IMPA2: variants seen among roughly 807,000 people sequenced by gnomAD.
IMPA2 encodes the protein inositol monophosphatase 2, also known as IMP 2.
A neutral mutation model predicts 35.1 loss-of-function variants in IMPA2; 32 were observed. The ratio of observed to expected loss-of-function variants is 0.91; its 90% CI spans 0.69 to 1.23. The LOEUF is 1.23. IMPA2 is among the 50% of genes most tolerant of loss of function. The probability of loss-of-function intolerance (pLI) is 0.00; values close to 1 mark genes in which losing one functional copy is unlikely to be tolerated. For missense variants in IMPA2, 334 were observed against 387.6 expected (o/e 0.86, Z 1.16); for synonymous variants, 135 against 160.6 (o/e 0.84, Z 1.20).
intron 5 of IMPA2, among the ~76,000 whole-genome samples, chr18:12,027,101 G>T (rs767972628): frequency 6.6e-6 from 1 of 152,210 alleles, no homozygotes; most frequent in Admixed American, 6.5e-5. Context: ...TGTTTCCCCC[G>T]ACTTTGGGAG....
At chr18:12,030,171 C>G (rs530346286) in intron 7 of IMPA2, among the ~76,000 whole-genome samples, 172 bp from the exon 8 acceptor site, 25 of 152,382 alleles carry the variant, frequency 1.6e-4, no homozygotes, top group African/African-American at 5.0e-4. Context: ...CTCCATCCCT[C>G]TATTCTTTGC....
Position 12,030,765 on chromosome 18 carries a change from T to C in IMPA2, c.*307T>C. On this transcript the variant is annotated 3_prime_UTR_variant, in exon 8 of 8. Transcript: ENST00000269159. ...GTATTGATAATCCAATCTTGATTTTTCCCCCCAGAATATAAATCTCAGGTA... is the reference window on the plus strand; with the variant it reads ...GTATTGATAATCCAATCTTGATTTTCCCCCCCAGAATATAAATCTCAGGTA... The C allele has an allele frequency of 3.1e-6, 1 of 320,922 alleles. No homozygotes were observed. The highest frequency in any genetic ancestry group is 4.2e-5 in the South Asian group (1 of 23,806). 19.9% of individuals were successfully genotyped at this position (320,922 alleles called of 1,614,324 possible). A position where few individuals can be genotyped will look rare whatever the true frequency, so the allele number is the denominator to read the frequency against.
chr18:12,008,337 C>G (rs1907335382), intron 2 of IMPA2: 1 of 518,834 alleles, frequency 1.9e-6, no homozygotes, highest in African/African-American at 1.9e-5. Context: ...CTGCAGGTCT[C>G]CTTTTTCTCT....
chr18:12,019,115 C>T (rs1031962614), intron 5 of IMPA2, among the ~76,000 whole-genome samples: 1 of 152,030 alleles, frequency 6.6e-6, no homozygotes, highest in Non-Finnish European at 1.5e-5. Context: ...TGTGAGCCAC[C>T]AACCCAGCCT....
chr18:12,004,882 C>G (rs2143796963), intron 2 of IMPA2, among the ~76,000 whole-genome samples: 1 of 152,292 alleles, frequency 6.6e-6, no homozygotes, highest in African/African-American at 2.4e-5. Context: ...TTTATGATTT[C>G]ACACATCTGT....
intron 5 of IMPA2, among the ~76,000 whole-genome samples, chr18:12,019,420 A>AT (rs1023606644): frequency 0.032 from 4,314 of 133,076 alleles, 192 homozygotes; most frequent in African/African-American, 0.098. Flanking sequence ...TGTCCGGCTA[A>AT]TTTTTTTTTT....
chr18:12,023,127 G>A lies in IMPA2; in HGVS notation c.491-4916G>A, dbSNP rs531859149. ...TGTTCTTGATTTCATGTGGGAAAAC[G>A]TATGTTGGCAAGAATGAGAAGGAAT... On this transcript the variant is annotated intron_variant, in intron 5 of 7. Coordinates refer to ENST00000269159, the MANE Select transcript of IMPA2 (RefSeq NM_014214.3). 5.9e-5 allele frequency among the ~76,000 whole-genome samples: 9 copies of A among 152,012 alleles called. No homozygotes were observed. The South Asian group carries it at 8.3e-4, about 14-fold the overall frequency.
intron 1 of IMPA2, among the ~76,000 whole-genome samples, chr18:11,982,515 C>G (rs1906533529): frequency 6.6e-6 from 1 of 152,130 alleles, no homozygotes; most frequent in Admixed American, 6.5e-5. Context: ...TGATTGTGGG[C>G]CGGGCGCAGT....
At position 12,022,528 on chromosome 18, in the gene IMPA2, A is replaced by AAATATATATATATATATATATATAT. The variant is rs68185380; in HGVS notation, c.491-5514_491-5513insATATATATATATATATATATATATA. On this transcript the variant is annotated intron_variant, in intron 5 of 7. Coordinates refer to ENST00000269159, the MANE Select transcript of IMPA2 (RefSeq NM_014214.3). ...CAGAATGGGGCTCCATCTCAAAAAG[A>AAATATATATATATATATATATATAT]ATATATATATATATATATATATATA... Among the ~76,000 whole-genome samples, 688 of 96,680 alleles carry AAATATATATATATATATATATATAT rather than the reference A, an allele frequency of 7.1e-3. 64 individuals are homozygous for AAATATATATATATATATATATATAT. Among genetic ancestry groups the AAATATATATATATATATATATATAT allele is most frequent in the South Asian group, 9.2e-3 (30 of 3,276 alleles). 63.4% of individuals were successfully genotyped at this position (96,680 alleles called of 152,430 possible). A position where few individuals can be genotyped will look rare whatever the true frequency, so the allele number is the denominator to read the frequency against.
intron 6 of IMPA2, 198 bp downstream of exon 6, chr18:12,028,349 C>T (rs1266612405): frequency 3.5e-6 from 2 of 564,116 alleles, no homozygotes; most frequent in Non-Finnish European, 6.3e-6. Context: ...TCTGGAGATG[C>T]GTGGGCACCT....
chr18:12,028,659 G>A, intron 6 of IMPA2, 183 bp from the exon 7 acceptor site: 1 of 678,056 alleles, frequency 1.5e-6, no homozygotes, highest in Non-Finnish European at 2.5e-6. Flanking sequence ...TTTGCGTCTG[G>A]CGGAGGCCTG....
chr18:11,992,047 T>C (rs900322241), intron 1 of IMPA2, among the ~76,000 whole-genome samples: 1 of 152,234 alleles, frequency 6.6e-6, no homozygotes, highest in Non-Finnish European at 1.5e-5. Flanking sequence ...TTTCCCCATG[T>C]TGGCCAGGCT....
chr18:11,990,518 G>A (rs1485892822), intron 1 of IMPA2, among the ~76,000 whole-genome samples: 1 of 152,172 alleles, frequency 6.6e-6, no homozygotes, highest in Non-Finnish European at 1.5e-5. Context: ...AGTTTGAGGT[G>A]GGAGAGGTCA....
intron 1 of IMPA2, among the ~76,000 whole-genome samples, chr18:11,990,960 C>T (rs960547059): frequency 2.0e-5 from 3 of 152,190 alleles, no homozygotes; most frequent in Non-Finnish European, 2.9e-5. Context: ...ATGTGAACTG[C>T]TCAGAACAGC....
At chr18:11,989,158 C>T (rs1049934830) in intron 1 of IMPA2, among the ~76,000 whole-genome samples, 7 of 152,148 alleles carry the variant, frequency 4.6e-5, no homozygotes, top group African/African-American at 9.7e-5. Flanking sequence ...TGGGCTTTGC[C>T]GTCGGATGAG....
chr18:12,012,242 G>A lies in IMPA2; in HGVS notation c.381+27G>A, dbSNP rs548315643. On this transcript the variant is annotated intron_variant, in intron 4 of 7. Coordinates refer to ENST00000269159, the MANE Select transcript of IMPA2 (RefSeq NM_014214.3). ...TGCGGGTGTGGCCCAGGTCCCCAGG[G>A]CCCCTCCCTGGGCTCCCTCTGGCCA... 2.1e-5 allele frequency: 33 copies of A among 1,603,952 alleles called. No individual in the cohort carries two copies. In the East Asian group the frequency reaches 6.0e-4, roughly 29 times the overall value.
chr18:12,024,053 G>A (rs190848782), intron 5 of IMPA2, among the ~76,000 whole-genome samples: 28 of 152,258 alleles, frequency 1.8e-4, no homozygotes, highest in African/African-American at 6.5e-4. Context: ...TGTTTATGAA[G>A]CATTGTTTAC....
intron 1 of IMPA2, among the ~76,000 whole-genome samples, chr18:11,989,456 C>T (rs947863783): frequency 4.6e-5 from 7 of 152,206 alleles, no homozygotes; most frequent in Non-Finnish European, 7.3e-5. Context: ...CAAACATCAG[C>T]AGAGACAGAA....
chr18:11,988,917 G>A (rs115299195), intron 1 of IMPA2, among the ~76,000 whole-genome samples: 1,739 of 152,232 alleles, frequency 0.011, 26 homozygotes, highest in African/African-American at 0.04. Flanking sequence ...TACCTCCTGG[G>A]CTCAAGTGAT....
Sources: gnomAD v4.1 joint callset for allele counts (sites outside exome capture counted in the v4.1 genomes callset) on GRCh38, gnomAD v4.1.1 for gene constraint, MANE v1.5 for transcripts, NCBI Gene and HGNC (gene_info 2026-07-23, HGNC 2026-07-21) for gene names.